Variants in MGAT3 observed in about 807,000 individuals in gnomAD.
The protein encoded by MGAT3 is GlcNAc-T III.
Under a neutral mutation model 29.8 loss-of-function variants are expected in MGAT3, and 9 were observed. The ratio of observed to expected loss-of-function variants is 0.30; its 90% CI spans 0.18 to 0.53. The LOEUF (loss-of-function observed/expected upper bound fraction) is 0.53, where lower values mean the gene tolerates loss of function less well. Among genes scored for constraint, MGAT3 ranks in the 20% least tolerant of loss-of-function variants. MGAT3 has a pLI of 0.96. For synonymous variants in MGAT3, 397 were observed against 348.9 expected (o/e 1.14, Z -1.54); for missense variants, 557 against 769.5 (o/e 0.72, Z 3.27).
At chr22:39,481,434 G>C (rs769285598) in intron 1 of MGAT3, among the ~76,000 whole-genome samples, 1 of 152,256 alleles carries the variant, frequency 6.6e-6, no homozygotes, top group Non-Finnish European at 1.5e-5. Flanking sequence ...TCCCTACCCT[G>C]TTGGGTGCTG....
Position 39,487,377 on chromosome 22 carries a change from C to G in MGAT3, c.30C>G (p.Leu10=), listed in dbSNP as rs199918817. 23 of 1,613,322 alleles carry G rather than the reference C, an allele frequency of 1.4e-5. No individual in the cohort carries two copies. The highest frequency in any genetic ancestry group is 1.9e-5 in the Non-Finnish European group (22 of 1,179,948). The change falls in exon 2 of 2, where the codon CTC becomes CTG. Residue 10 remains leucine, a synonymous_variant. Coordinates refer to ENST00000341184, the MANE Select transcript of MGAT3 (RefSeq NM_002409.5). The surrounding 1 kb of genome is among the most constrained non-coding windows in gnomAD (Gnocchi z 5.7). MKMRRYKLF[L]MFCMAGLCLI... ...AGATGAGACGCTACAAGCTCTTTCT[C>G]ATGTTCTGTATGGCCGGCCTGTGCC...
chr22:39,487,460 T>C lies in MGAT3; in HGVS notation c.113T>C (p.Leu38Pro). 2 of 1,612,760 alleles carry C rather than the reference T, an allele frequency of 1.2e-6. No individual in the cohort carries two copies. The highest frequency in any genetic ancestry group is 1.7e-6 in the Non-Finnish European group (2 of 1,179,678). The stretch of plus-strand genomic sequence containing the variant: ...TCCTATGTCACCTTCCCCCGAGAAC[T>C]GGCCTCCCTCAGCCCTAACCTGGTG... Reference protein sequence around the residue: ...TLSYVTFPRELASLSPNLVSS... With the variant: ...TLSYVTFPREPASLSPNLVSS... Residue 38 changes from leucine to proline, a missense_variant, in exon 2 of 2, where the codon CTG (leucine) becomes CCG (proline). Around this residue, in one of 3 missense-constraint regions of MGAT3, gnomAD observed 212 missense variants for 228.5 expected, o/e 0.93. Coordinates refer to ENST00000341184, the MANE Select transcript of MGAT3 (RefSeq NM_002409.5). The surrounding 1 kb of genome is among the most constrained non-coding windows in gnomAD (Gnocchi z 5.7).
In MGAT3 at chr22:39,457,728, G is replaced by A. The variant is rs1317888163; in HGVS notation, c.-2+171G>A. Among the ~76,000 whole-genome samples the A allele has an allele frequency of 6.6e-6, 1 of 150,386 alleles. No homozygotes were observed. ...GGGCTGGGGGCCCGGAGGCCGCGGTGGGGGCGGGATGCCGGGGAAGCCGCT... is the reference window on the plus strand; with the variant it reads ...GGGCTGGGGGCCCGGAGGCCGCGGTAGGGGCGGGATGCCGGGGAAGCCGCT... On this transcript the variant is annotated intron_variant, in intron 1 of 1. Transcript: ENST00000341184. The surrounding 1 kb of genome is among the most constrained non-coding windows in gnomAD (Gnocchi z 6.8).
chr22:39,489,187 T>C lies in MGAT3; in HGVS notation c.*238T>C, dbSNP rs1303900617. On this transcript the variant is annotated 3_prime_UTR_variant, in exon 2 of 2. Coordinates refer to ENST00000341184, the MANE Select transcript of MGAT3 (RefSeq NM_002409.5). Reference sequence around the variant, plus strand: ...GGCCGTGACGTCTGGGTGGCCCTTATGACTGCCAAGACTGCTGTGGCCAGG... The same window carrying C: ...GGCCGTGACGTCTGGGTGGCCCTTACGACTGCCAAGACTGCTGTGGCCAGG... 6.4e-6 allele frequency: 4 copies of C among 629,694 alleles called. No homozygotes were observed. The highest frequency in any genetic ancestry group is 5.6e-6 in the Non-Finnish European group (2 of 358,310). The allele number at this position is 629,694 out of a possible 1,614,324, so 39.0% of individuals were successfully genotyped here.
At chr22:39,467,799 G>A (rs374614267) in intron 1 of MGAT3, among the ~76,000 whole-genome samples, 2 of 144,054 alleles carry the variant, frequency 1.4e-5, no homozygotes, top group African/African-American at 5.2e-5. Flanking sequence ...TGGCAATCTC[G>A]GCTCAGTCTC....
chr22:39,458,391 A>G (rs1346546672), intron 1 of MGAT3, among the ~76,000 whole-genome samples: 2 of 151,922 alleles, frequency 1.3e-5, no homozygotes, highest in Non-Finnish European at 2.9e-5. Flanking sequence ...CAGACACACT[A>G]CCCCAGTGGG....
At position 39,474,998 on chromosome 22, in the gene MGAT3, C is replaced by T. The variant is rs140415763; in HGVS notation, c.-1-12349C>T. Among the ~76,000 whole-genome samples, 1,163 of 152,258 alleles carry T rather than the reference C, an allele frequency of 7.6e-3. 49 individuals carry two copies. Among genetic ancestry groups the T allele is most frequent in the Admixed American group, 0.067 (1,032 of 15,292 alleles). On this transcript the variant is annotated intron_variant, in intron 1 of 1. Transcript: ENST00000341184. The stretch of plus-strand genomic sequence containing the variant: ...ATGGAAAAGCCCCAGCCCAGCGCCC[C>T]TGCCTTCCTGGAGTCAGAGAGGCCT...
intron 1 of MGAT3, among the ~76,000 whole-genome samples, chr22:39,479,354 T>C (rs1340310781): frequency 1.3e-5 from 2 of 152,064 alleles, no homozygotes; most frequent in African/African-American, 2.4e-5. Context: ...TCTAAAAAAA[T>C]TTAAAAAGTC....
At position 39,487,665 on chromosome 22, in the gene MGAT3, G is replaced by A. The variant is rs1929317811; in HGVS notation, c.318G>A (p.Glu106=). Residue 106 remains glutamate (E), a synonymous_variant, in exon 2 of 2, where the codon GAG becomes GAA. Coordinates refer to ENST00000341184, the MANE Select transcript of MGAT3 (RefSeq NM_002409.5). This position sits in a 1 kb window ranked among gnomAD's most constrained non-coding sequence, Gnocchi z 5.7. ...VDLVLPEDTT[E]YFVRTKAGGV... is the part of the protein sequence containing the mutation. ...TGGTGCTGCCCGAGGACACCACCGA[G>A]TATTTCGTGCGCACCAAGGCCGGCG... 1 of 1,608,700 alleles carries A rather than the reference G, an allele frequency of 6.2e-7. No individual in the cohort carries two copies. The highest frequency in any genetic ancestry group is 8.5e-7 in the Non-Finnish European group (1 of 1,177,674).
At chr22:39,458,314 A>G (rs1368356784) in intron 1 of MGAT3, among the ~76,000 whole-genome samples, 2 of 146,854 alleles carry the variant, frequency 1.4e-5, no homozygotes, top group Non-Finnish European at 3.1e-5. Flanking sequence ...GGCCAGACCT[A>G]GTGGTCTGAG....
intron 1 of MGAT3, among the ~76,000 whole-genome samples, chr22:39,467,697 TTCAGACAGAG>T (rs960612678): frequency 6.6e-6 from 1 of 151,280 alleles, no homozygotes; most frequent in Non-Finnish European, 1.5e-5. Context: ...TTTCTTTTCT[TTCAGACAGAG>T]TCTGGATCTG....
chr22:39,484,774 G>C (rs534781859), intron 1 of MGAT3, among the ~76,000 whole-genome samples: 2 of 152,018 alleles, frequency 1.3e-5, no homozygotes, highest in African/African-American at 4.8e-5. Flanking sequence ...AAGCTGAGGC[G>C]GGCAGATCAC....
intron 1 of MGAT3, chr22:39,486,344 C>T (rs1005516950): frequency 4.3e-5 from 12 of 277,366 alleles, no homozygotes; most frequent in Non-Finnish European, 7.8e-5. Context: ...AGGGTTTCAC[C>T]ATGTTGGCCA....
intron 1 of MGAT3, among the ~76,000 whole-genome samples, chr22:39,477,932 G>A (rs12484278): frequency 0.17 from 25,774 of 152,242 alleles, 2,352 homozygotes; most frequent in Middle Eastern, 0.35. Flanking sequence ...GGGAAACTGA[G>A]GCACGGGGAG....
At chr22:39,481,720 T>A (rs1929131712) in intron 1 of MGAT3, among the ~76,000 whole-genome samples, 1 of 152,166 alleles carries the variant, frequency 6.6e-6, no homozygotes, top group Non-Finnish European at 1.5e-5. Flanking sequence ...CAGGACAGCT[T>A]TACCACTGGA....
chr22:39,459,202 T>A (rs1050600153), intron 1 of MGAT3, among the ~76,000 whole-genome samples: 8 of 151,736 alleles, frequency 5.3e-5, no homozygotes, highest in Admixed American at 1.3e-4. Context: ...GCCTCCCGAG[T>A]AGCTGGGACC....
At position 39,487,723 on chromosome 22, in the gene MGAT3, G is replaced by C. The variant is rs1182366850; in HGVS notation, c.376G>C (p.Glu126Gln). ...CTTCAAACCCGGCACCAAGATGCTGGAGAGGCCGCCCCCGGGACGGCCGGA... is the reference window on the plus strand; with the variant it reads ...CTTCAAACCCGGCACCAAGATGCTGCAGAGGCCGCCCCCGGGACGGCCGGA... ...VCFKPGTKML[E>Q]RPPPGRPEEK... The change falls in exon 2 of 2, where the codon GAG becomes CAG. Residue 126 changes from glutamate (E) to glutamine (Q), a missense_variant. By Grantham distance (29) the Glu-to-Gln change is conservative. Coordinates refer to ENST00000341184, the MANE Select transcript of MGAT3 (RefSeq NM_002409.5). The surrounding 1 kb of genome is among the most constrained non-coding windows in gnomAD (Gnocchi z 5.7). The C allele has an allele frequency of 6.4e-7, 1 of 1,563,088 alleles. No homozygotes were observed.
Position 39,489,282 on chromosome 22 carries a change from C to A in MGAT3, c.*333C>A. On this transcript the variant is annotated 3_prime_UTR_variant, in exon 2 of 2. Coordinates refer to ENST00000341184, the MANE Select transcript of MGAT3 (RefSeq NM_002409.5). ...GGGTAGGCAGGATTGGGGAAGAGAG[C>A]CTGCAGGATCTCACCAGGCAGCCTC... 1 of 356,296 alleles carries A rather than the reference C, an allele frequency of 2.8e-6. No individual in the cohort carries two copies. 22.1% of individuals were successfully genotyped at this position (356,296 alleles called of 1,614,324 possible). A position where few individuals can be genotyped will look rare whatever the true frequency, so the allele number is the denominator to read the frequency against.
At position 39,488,035 on chromosome 22, in the gene MGAT3, G is replaced by A. The variant is rs1230377425; in HGVS notation, c.688G>A (p.Asp230Asn). The change falls in exon 2 of 2, where the codon GAC (aspartate) becomes AAC (asparagine). Residue 230 changes from aspartate to asparagine, a missense_variant. By Grantham distance (23) the Asp-to-Asn change is conservative (BLOSUM62 1). Coordinates refer to ENST00000341184, the MANE Select transcript of MGAT3 (RefSeq NM_002409.5). ...GGACGTGCGCTTCCACGAGCTGGGC[G>A]ACGTGGTGGACGCCTTTGTGGTGTG... The part of the protein sequence containing the change: ...LLDVRFHELG[D>N]VVDAFVVCES... 6.2e-7 allele frequency: 1 copy of A among 1,613,276 alleles called. No homozygotes were observed. The highest frequency in any genetic ancestry group is 8.5e-7 in the Non-Finnish European group (1 of 1,179,828).
Sources: allele counts gnomAD v4.1 joint callset (sites outside exome capture counted in the v4.1 genomes callset), GRCh38; gene constraint gnomAD v4.1.1; regional missense constraint gnomAD v4.1.1; non-coding constraint Gnocchi (gnomAD v3.1); transcripts MANE v1.5; gene names NCBI Gene and HGNC (gene_info 2026-07-23, HGNC 2026-07-21).